The following FRMD4B variants were observed in gnomAD, a reference collection of about 807,000 sequenced individuals.
The protein encoded by FRMD4B is FERM domain containing 4B.
In FRMD4B, 74 loss-of-function variants were observed where a neutral mutation model predicts 141.5. That is an observed-to-expected ratio of 0.52 (90% CI 0.43 to 0.63). The LOEUF is 0.63. FRMD4B is among the 30% of genes least tolerant of loss of function. FRMD4B has a pLI of 0.00. For synonymous variants in FRMD4B, 506 were observed against 467.9 expected (o/e 1.08, Z -1.05); for missense variants, 1,366 against 1,253.4 (o/e 1.09, Z -1.36).
At chr3:69,341,353 C>T (rs1412861459) in intron 1 of FRMD4B, among the ~76,000 whole-genome samples, 1 of 152,214 alleles carries the variant, frequency 6.6e-6, no homozygotes, top group Non-Finnish European at 1.5e-5. Context: ...AGAACAATTA[C>T]TTTCAGGTCC....
At chr3:69,375,307 A>ATCCATCCATCCT (rs1553732604) in intron 1 of FRMD4B, among the ~76,000 whole-genome samples, 1 of 149,178 alleles carries the variant, frequency 6.7e-6, no homozygotes, top group African/African-American at 2.5e-5. Context: ...CCATCCATCC[A>ATCCATCCATCCT]TCCTTCCTTC....
intron 5 of FRMD4B, among the ~76,000 whole-genome samples, chr3:69,287,002 A>C (rs1438130713): frequency 6.6e-6 from 1 of 152,072 alleles, no homozygotes; most frequent in Non-Finnish European, 1.5e-5. Context: ...ATGGGGTTTC[A>C]CTGTGTTGGC....
chr3:69,370,339 C>T (rs762045397), intron 1 of FRMD4B, among the ~76,000 whole-genome samples: 4 of 152,122 alleles, frequency 2.6e-5, no homozygotes, highest in South Asian at 2.1e-4. Context: ...AAATAGCGAT[C>T]GCTTGACACT....
At chr3:69,333,670 T>C (rs59605214) in intron 1 of FRMD4B, among the ~76,000 whole-genome samples, 14,628 of 152,276 alleles carry the variant, frequency 0.096, 794 homozygotes, top group South Asian at 0.18. Context: ...GTCTATTTTA[T>C]CATTTCTTTC....
chr3:69,383,306 C>T (rs2018997), intron 1 of FRMD4B, among the ~76,000 whole-genome samples: 76,545 of 151,784 alleles, frequency 0.5, 19,523 homozygotes, highest in East Asian at 0.61. Flanking sequence ...AAATGATCTT[C>T]CTTTGCAAAG....
chr3:69,315,430 A>T (rs1318804639), intron 1 of FRMD4B, among the ~76,000 whole-genome samples: 1 of 152,174 alleles, frequency 6.6e-6, no homozygotes, highest in East Asian at 1.9e-4. Flanking sequence ...ATTGTTTTGC[A>T]AATGAAGTAC....
chr3:69,446,981 G>A (rs1705419186), intron 1 of FRMD4B, among the ~76,000 whole-genome samples: 1 of 152,148 alleles, frequency 6.6e-6, no homozygotes, highest in African/African-American at 2.4e-5. Context: ...CACACAGATT[G>A]AAGCAGGTAG....
At chr3:69,422,070 T>C (rs570933673) in intron 2 of FRMD4B, among the ~76,000 whole-genome samples, 1 of 152,268 alleles carries the variant, frequency 6.6e-6, no homozygotes, top group African/African-American at 2.4e-5. Flanking sequence ...AGTACATTCA[T>C]AGGGATTTGA....
At chr3:69,276,099 A>G (rs78587291) in intron 5 of FRMD4B, among the ~76,000 whole-genome samples, 1 of 152,204 alleles carries the variant, frequency 6.6e-6, no homozygotes, top group African/African-American at 2.4e-5. Context: ...TATCATATGA[A>G]TGATTTGTAA....
chr3:69,251,639 G>A (rs1336515279), intron 5 of FRMD4B, among the ~76,000 whole-genome samples: 1 of 152,220 alleles, frequency 6.6e-6, no homozygotes, highest in Non-Finnish European at 1.5e-5. Context: ...CTGCTTCAAA[G>A]TTTATTGCCT....
At chr3:69,491,916 G>GA (rs1706305785) in intron 1 of FRMD4B, among the ~76,000 whole-genome samples, 1 of 152,150 alleles carries the variant, frequency 6.6e-6, no homozygotes, top group South Asian at 2.1e-4. Context: ...CATCATTCAG[G>GA]AAGTGTTGTC....
At chr3:69,287,047 CCTGT>C (rs1445495615) in intron 5 of FRMD4B, among the ~76,000 whole-genome samples, 2 of 152,300 alleles carry the variant, frequency 1.3e-5, no homozygotes, top group East Asian at 3.9e-4. Flanking sequence ...TCGTGATCCA[CCTGT>C]CTTGGCCTCC....
chr3:69,404,089 G>T (rs775744834), intron 2 of FRMD4B, among the ~76,000 whole-genome samples: 3 of 152,124 alleles, frequency 2.0e-5, no homozygotes, highest in African/African-American at 4.8e-5. Context: ...GTAGAAACAG[G>T]TCTCACTATA....
At chr3:69,427,663 T>G (rs1484480718) in intron 2 of FRMD4B, among the ~76,000 whole-genome samples, 3 of 132,642 alleles carry the variant, frequency 2.3e-5, no homozygotes, top group Admixed American at 7.6e-5. Flanking sequence ...TTTTTTTTTT[T>G]TTTTTTTTTT....
At chr3:69,431,330 G>A (rs1343439482) in intron 2 of FRMD4B, among the ~76,000 whole-genome samples, 18 of 152,202 alleles carry the variant, frequency 1.2e-4, no homozygotes, top group Admixed American at 1.2e-3. Context: ...CTGAGCCCCT[G>A]TAGCTTTTTT....
chr3:69,186,554 A>G (rs1416569928), intron 19 of FRMD4B, among the ~76,000 whole-genome samples: 1 of 152,222 alleles, frequency 6.6e-6, no homozygotes, highest in East Asian at 1.9e-4. Context: ...TCTATTAAAA[A>G]TACAAAAATT....
chr3:69,511,601 CCCAGCCA>C (rs1390867944), intron 1 of FRMD4B, among the ~76,000 whole-genome samples: 1 of 152,150 alleles, frequency 6.6e-6, no homozygotes, highest in African/African-American at 2.4e-5. Flanking sequence ...TCAGGCCACC[CCCAGCCA>C]ATGGCTCCCA....
chr3:69,189,463 C>T (rs959908262), intron 18 of FRMD4B, among the ~76,000 whole-genome samples: 4 of 152,064 alleles, frequency 2.6e-5, no homozygotes, highest in Admixed American at 6.5e-5. Flanking sequence ...ACAGTGATAA[C>T]GTGTACAATC....
chr3:69,185,125 A>G (rs1402207959), intron 19 of FRMD4B, among the ~76,000 whole-genome samples: 2 of 151,888 alleles, frequency 1.3e-5, no homozygotes, highest in South Asian at 4.2e-4. Context: ...AATATGAAAC[A>G]CCGTCTCTAC....
Sources: gnomAD v4.1 joint callset for allele counts (sites outside exome capture counted in the v4.1 genomes callset) on GRCh38, gnomAD v4.1.1 for gene constraint, MANE v1.5 for transcripts, NCBI Gene and HGNC (gene_info 2026-07-23, HGNC 2026-07-21) for gene names.